Variants in CECR2 observed in about 807,000 individuals in gnomAD.
The protein encoded by CECR2 is CECR2 histone acetyl-lysine reader, also known as chromatin remodeling regulator CECR2.
In CECR2, 30 loss-of-function variants were observed where a neutral mutation model predicts 154.5. That is an observed-to-expected ratio of 0.19 (90% CI 0.15 to 0.26). The LOEUF (loss-of-function observed/expected upper bound fraction) is 0.26. CECR2 is among the 10% of genes least tolerant of loss of function. The pLI is 1.00. For synonymous variants in CECR2, 725 were observed against 683.7 expected (o/e 1.06, Z -0.94); for missense variants, 1,743 against 1,829.3 (o/e 0.95, Z 0.86).
At chr22:17,465,810 G>C (rs527641568) in intron 1 of CECR2, among the ~76,000 whole-genome samples, 8 of 152,140 alleles carry the variant, frequency 5.3e-5, no homozygotes, top group African/African-American at 1.7e-4. Flanking sequence ...GTAGAGACAG[G>C]GTTTTGCCAT....
Position 17,553,015 on chromosome 22 carries a change from T to A in CECR2, c.*175T>A, listed in dbSNP as rs896037007. 4 of 1,401,562 alleles carry A rather than the reference T, an allele frequency of 2.9e-6. No individual in the cohort carries two copies. Among genetic ancestry groups the A allele is most frequent in the Non-Finnish European group, 3.7e-6 (4 of 1,076,000 alleles). The allele number at this position is 1,401,562 out of a possible 1,614,324, so 86.8% of individuals were successfully genotyped here. On this transcript the variant is annotated 3_prime_UTR_variant, in exon 19 of 19. Transcript: ENST00000262608. ...TCACGGGCCCTAAAAGGACACTCCT[T>A]AGATGACTGACACACAGATTGCAAA...
intron 1 of CECR2, among the ~76,000 whole-genome samples, chr22:17,465,153 C>T (rs1269620534): frequency 1.3e-5 from 2 of 151,248 alleles, no homozygotes; most frequent in South Asian, 2.1e-4. Context: ...CCCACCACCA[C>T]GCCCGGCTAA....
intron 1 of CECR2, among the ~76,000 whole-genome samples, chr22:17,430,851 C>T (rs1238367374): frequency 1.3e-5 from 2 of 152,082 alleles, no homozygotes; most frequent in African/African-American, 2.4e-5. Flanking sequence ...TAGTTATAGT[C>T]AAATCATTGC....
intron 1 of CECR2, among the ~76,000 whole-genome samples, chr22:17,390,042 A>G (rs2063310062): frequency 6.6e-6 from 1 of 152,158 alleles, no homozygotes; most frequent in African/African-American, 2.4e-5. Context: ...AATATATATA[A>G]TTTGTACATT....
intron 1 of CECR2, among the ~76,000 whole-genome samples, chr22:17,429,382 G>A (rs2054383335): frequency 2.0e-5 from 3 of 151,912 alleles, no homozygotes; most frequent in South Asian, 4.2e-4. Context: ...CAGGAGGTGA[G>A]GATTTGAGAG....
At chr22:17,494,663 T>C (rs2146859070) in intron 2 of CECR2, among the ~76,000 whole-genome samples, 1 of 152,330 alleles carries the variant, frequency 6.6e-6, no homozygotes, top group East Asian at 1.9e-4. Context: ...GAAAGATGTT[T>C]CTTCTCTCTT....
intron 2 of CECR2, 126 bp from the exon 3 acceptor site, chr22:17,497,277 G>A (rs1253740097): frequency 2.0e-5 from 18 of 883,022 alleles, no homozygotes; most frequent in Admixed American, 5.4e-5. Context: ...ATGACAGAGC[G>A]AGACCCTGTC....
chr22:17,385,311 C>T (rs532054385), intron 1 of CECR2, among the ~76,000 whole-genome samples: 21 of 152,326 alleles, frequency 1.4e-4, no homozygotes, highest in East Asian at 1.9e-4. Flanking sequence ...GCTTTCAGCA[C>T]GCCTTCTTCA....
intron 1 of CECR2, among the ~76,000 whole-genome samples, chr22:17,414,268 G>A (rs535105744): frequency 6.3e-4 from 96 of 152,326 alleles, no homozygotes; most frequent in African/African-American, 2.0e-3. Flanking sequence ...CACTGCGCCC[G>A]GCGGAAGGAG....
chr22:17,543,025 G>T (rs1382431179), intron 16 of CECR2, 22 bp downstream of exon 16: 1 of 1,575,184 alleles, frequency 6.3e-7, no homozygotes, highest in African/African-American at 1.3e-5. Context: ...TGTCACTTTG[G>T]GCTCTTTAAG....
intron 16 of CECR2, among the ~76,000 whole-genome samples, chr22:17,543,366 C>G (rs1228819377): frequency 6.6e-6 from 1 of 151,936 alleles, no homozygotes; most frequent in African/African-American, 2.4e-5. Context: ...AATCTCGTGA[C>G]CTTGTGACCT....
rs971474439 is a variant in CECR2, at chr22:17,498,793, C to T, written c.406-617C>T. 7.9e-5 allele frequency among the ~76,000 whole-genome samples: 12 copies of T among 151,150 alleles called. No homozygotes were observed. The East Asian group carries it at 2.3e-3, about 30-fold the overall frequency. ...TGTGCTCACATAAAACAACCGCTCC[C>T]AGCCAAATCTGTAAACTGTTCATCA... On this transcript the variant is annotated intron_variant, in intron 3 of 18. Transcript: ENST00000262608.
chr22:17,421,443 G>A (rs1265162867), intron 1 of CECR2, among the ~76,000 whole-genome samples: 4 of 151,818 alleles, frequency 2.6e-5, no homozygotes, highest in South Asian at 4.2e-4. Flanking sequence ...GTGAAACCCC[G>A]TCTCTACTAA....
intron 2 of CECR2, among the ~76,000 whole-genome samples, chr22:17,490,971 A>G (rs1434636374): frequency 6.6e-6 from 1 of 152,204 alleles, no homozygotes; most frequent in Admixed American, 6.5e-5. Flanking sequence ...AACTGGAGCC[A>G]TATGGGAAGT....
At chr22:17,486,611 C>T (rs1430881402) in intron 2 of CECR2, among the ~76,000 whole-genome samples, 1 of 152,156 alleles carries the variant, frequency 6.6e-6, no homozygotes, top group East Asian at 1.9e-4. Flanking sequence ...TGTGCATTCT[C>T]CCCAGGAAAA....
upstream of CECR2, among the ~76,000 whole-genome samples, chr22:17,365,397 A>G (rs1206736241): frequency 2.0e-5 from 3 of 152,150 alleles, no homozygotes; most frequent in African/African-American, 4.8e-5. Context: ...AAACAATGTC[A>G]TAAAAAAGGT....
intron 1 of CECR2, among the ~76,000 whole-genome samples, chr22:17,415,229 CCTT>C (rs1195224254): frequency 2.0e-5 from 3 of 151,852 alleles, no homozygotes; most frequent in Non-Finnish European, 4.4e-5. Flanking sequence ...CTCTTCTTCT[CCTT>C]CTTTGTTCTT....
chr22:17,474,058 G>A (rs191392630), intron 1 of CECR2, among the ~76,000 whole-genome samples: 1 of 152,090 alleles, frequency 6.6e-6, no homozygotes, highest in East Asian at 1.9e-4. Context: ...TAACTGGGGG[G>A]GGTTTATAGT....
rs1254366026 is a variant in CECR2, at chr22:17,497,460, A to G, written c.279A>G (p.Glu93=). 1 of 1,613,888 alleles carries G rather than the reference A, an allele frequency of 6.2e-7. No individual in the cohort carries two copies. The highest frequency in any genetic ancestry group is 1.3e-5 in the African/African-American group (1 of 74,938). The change falls in exon 3 of 19, where the codon GAA becomes GAG. Residue 93 remains glutamate, a synonymous_variant. Transcript: ENST00000262608. ...TCATCAACTACCGCTGGGAGCTCGA[A>G]GAAGGGAAGCCCAACCCTCTGAGGG... The part of the protein sequence containing the change: ...EDIINYRWEL[E]EGKPNPLREA...
Sources: gnomAD v4.1 joint callset for allele counts (sites outside exome capture counted in the v4.1 genomes callset) on GRCh38, gnomAD v4.1.1 for gene constraint, MANE v1.5 for transcripts, NCBI Gene and HGNC (gene_info 2026-07-23, HGNC 2026-07-21) for gene names.